The following KCNK10 variants were observed in gnomAD, a reference collection of about 807,000 sequenced individuals.
KCNK10 encodes potassium two pore domain channel subfamily K member 10.
A neutral mutation model predicts 47.7 loss-of-function variants in KCNK10; 25 were observed. That is an observed-to-expected ratio of 0.52 (90% confidence interval 0.38 to 0.73). KCNK10 has a LOEUF of 0.73. Among genes scored for constraint, KCNK10 ranks in the 30% least tolerant of loss-of-function variants. The pLI, the probability that KCNK10 is intolerant of heterozygous loss-of-function variation, is 0.00. For synonymous variants in KCNK10, 303 were observed against 285.6 expected (o/e 1.06, Z -0.61); for missense variants, 563 against 714.5 (o/e 0.79, Z 2.42).
intron 2 of KCNK10, among the ~76,000 whole-genome samples, chr14:88,251,997 A>G (rs899196344): frequency 1.3e-5 from 2 of 152,146 alleles, no homozygotes; most frequent in African/African-American, 4.8e-5. Flanking sequence ...TTTAGTTACA[A>G]TTATTTGTGT....
Position 88,193,866 on chromosome 14 carries a change from G to A in KCNK10, c.682-1456C>T, listed in dbSNP as rs146856836. Reference sequence around the variant, plus strand: ...CCAAAGAAAGTTGTCAAACAAAGTCGTCTGCATCTAACAGAAGAAATCAGA... The same window carrying A: ...CCAAAGAAAGTTGTCAAACAAAGTCATCTGCATCTAACAGAAGAAATCAGA... On this transcript the variant is annotated intron_variant, in intron 4 of 6. Coordinates refer to ENST00000319231, the MANE Select transcript of KCNK10 (RefSeq NM_138317.3). 9.1e-3 allele frequency among the ~76,000 whole-genome samples: 1,386 copies of A among 152,244 alleles called. 18 individuals are homozygous for A. The highest frequency in any genetic ancestry group is 0.032 in the African/African-American group (1,317 of 41,534).
chr14:88,204,716 T>A (rs1885208901), intron 4 of KCNK10, among the ~76,000 whole-genome samples: 2 of 152,118 alleles, frequency 1.3e-5, no homozygotes, highest in South Asian at 4.1e-4. Flanking sequence ...TATACTTCAG[T>A]GCCTTTTTCA....
intron 1 of KCNK10, among the ~76,000 whole-genome samples, chr14:88,310,032 C>T (rs953643639): frequency 6.6e-6 from 1 of 151,776 alleles, no homozygotes; most frequent in Non-Finnish European, 1.5e-5. Context: ...GTCCAGTTCT[C>T]TCATAGGAAC....
intron 1 of KCNK10, among the ~76,000 whole-genome samples, chr14:88,264,359 A>G (rs1887199448): frequency 6.6e-6 from 1 of 152,248 alleles, no homozygotes; most frequent in Non-Finnish European, 1.5e-5. Flanking sequence ...TGTCTTGTGC[A>G]ACAACGAACA....
chr14:88,258,393 C>A (rs926896799), intron 2 of KCNK10, among the ~76,000 whole-genome samples: 3 of 151,684 alleles, frequency 2.0e-5, no homozygotes, highest in African/African-American at 7.3e-5. Flanking sequence ...CAGGTTCAAG[C>A]AACTCTCCTG....
chr14:88,206,590 G>C (rs781650026), intron 4 of KCNK10, among the ~76,000 whole-genome samples: 3 of 152,204 alleles, frequency 2.0e-5, no homozygotes, highest in African/African-American at 7.2e-5. Flanking sequence ...CACACCACTG[G>C]AGAAAAAGTC....
chr14:88,223,159 G>A (rs539223065), intron 4 of KCNK10, among the ~76,000 whole-genome samples: 27 of 152,210 alleles, frequency 1.8e-4, no homozygotes, highest in African/African-American at 3.1e-4. Context: ...CCATCACCTC[G>A]TTATGCAGAA....
chr14:88,234,388 T>C (rs530083119), intron 3 of KCNK10, among the ~76,000 whole-genome samples: 2 of 152,236 alleles, frequency 1.3e-5, no homozygotes, highest in African/African-American at 4.8e-5. Flanking sequence ...TTTTCCTTCA[T>C]CCAAAATGTT....
At chr14:88,323,328 G>C, upstream of KCNK10, 5 of 980,434 alleles carry the variant, frequency 5.1e-6, no homozygotes, top group Non-Finnish European at 3.6e-6. Flanking sequence ...CCCCGGCCGC[G>C]GCTCCTCGCC....
rs1011360583 is a variant in KCNK10, at chr14:88,240,188, C to CAA, written c.520+513_520+514dup. Among the ~76,000 whole-genome samples the CAA allele has an allele frequency of 4.0e-5, 6 of 151,504 alleles. No individual in the cohort carries two copies. In the East Asian group the frequency reaches 9.7e-4, roughly 24 times the overall value. ...CTCCTCATCTTCCACAATGGAAAGTCAAAAAAAATCCCCAAAACTGAAAAT... is the reference window on the plus strand; with the variant it reads ...CTCCTCATCTTCCACAATGGAAAGTCAAAAAAAAAATCCCCAAAACTGAAAAT... On this transcript the variant is annotated intron_variant, in intron 3 of 6. Transcript: ENST00000319231.
chr14:88,322,018 T>G lies in KCNK10; in HGVS notation c.52+729A>C, dbSNP rs1220249751. On this transcript the variant is annotated intron_variant, in intron 1 of 6. Transcript: ENST00000319231. The surrounding 1 kb of genome is among the most constrained non-coding windows in gnomAD (Gnocchi z 4.8). ...CAAATCCGTCTTAATCCCTCCCTTT[T>G]GCGTGGATGAAACCTGGTCCAACAT... 6.6e-6 allele frequency among the ~76,000 whole-genome samples: 1 copy of G among 152,198 alleles called. No individual in the cohort carries two copies. The highest frequency in any genetic ancestry group is 1.5e-5 in the Non-Finnish European group (1 of 68,034).
intron 1 of KCNK10, among the ~76,000 whole-genome samples, chr14:88,273,956 T>C (rs1269047878): frequency 6.6e-6 from 1 of 152,150 alleles, no homozygotes; most frequent in Non-Finnish European, 1.5e-5. Flanking sequence ...TTAAATCTTA[T>C]TGTCAACGCC....
chr14:88,326,806 G>A (rs1888675227), upstream of KCNK10: 2 of 274,412 alleles, frequency 7.3e-6, no homozygotes, highest in African/African-American at 4.6e-5. Flanking sequence ...GAAAACCCCA[G>A]TCATCTCTGG....
intron 6 of KCNK10, among the ~76,000 whole-genome samples, chr14:88,187,490 T>C: frequency 6.6e-6 from 1 of 152,136 alleles, no homozygotes; most frequent in Non-Finnish European, 1.5e-5. Flanking sequence ...AGGGGATAAG[T>C]GAAAGAGGCC....
upstream of KCNK10, chr14:88,323,378 T>G (rs1888594586): frequency 1.1e-5 from 9 of 835,644 alleles, no homozygotes; most frequent in Non-Finnish European, 1.3e-5. Flanking sequence ...CGAAAGCCAT[T>G]GGATGTAGGG....
At chr14:88,230,428 A>T (rs537850208) in intron 3 of KCNK10, among the ~76,000 whole-genome samples, 1 of 152,200 alleles carries the variant, frequency 6.6e-6, no homozygotes, top group Non-Finnish European at 1.5e-5. Context: ...GCTAGAAAAG[A>T]GTTCCCCGTT....
upstream of KCNK10, chr14:88,326,633 C>A: frequency 1.7e-6 from 1 of 593,956 alleles, no homozygotes; most frequent in Admixed American, 3.1e-5. Flanking sequence ...AGCAGGAGAC[C>A]CGGGCTGGCG....
upstream of KCNK10, among the ~76,000 whole-genome samples, chr14:88,324,148 C>G (rs1888613718): frequency 6.6e-6 from 1 of 152,362 alleles, no homozygotes; most frequent in Admixed American, 6.5e-5. Context: ...GCGGCGGCCC[C>G]GGGATCCTGG....
chr14:88,190,734 T>G (rs922049919), intron 5 of KCNK10, among the ~76,000 whole-genome samples: 1 of 152,196 alleles, frequency 6.6e-6, no homozygotes, highest in Non-Finnish European at 1.5e-5. Context: ...AAAGTGGAAT[T>G]CAGTCTTTGT....
Sources: allele counts gnomAD v4.1 joint callset (sites outside exome capture counted in the v4.1 genomes callset), GRCh38; gene constraint gnomAD v4.1.1; non-coding constraint Gnocchi (gnomAD v3.1); transcripts MANE v1.5; gene names NCBI Gene and HGNC (gene_info 2026-07-23, HGNC 2026-07-21).